Variants in PCDHA10 observed in about 807,000 individuals in gnomAD.
PCDHA10 encodes the protein protocadherin alpha 10.
In PCDHA10, 45 loss-of-function variants were observed where a neutral mutation model predicts 61.2. The observed-to-expected ratio is 0.74, with a 90% confidence interval of 0.58 to 0.94. The LOEUF (loss-of-function observed/expected upper bound fraction) is 0.94, where lower values mean the gene tolerates loss of function less well. Ranked by LOEUF, PCDHA10 falls within the 40% of genes least tolerant of loss-of-function variation. The probability of loss-of-function intolerance (pLI) is 0.00; values close to 1 mark genes in which losing one functional copy is unlikely to be tolerated. For synonymous variants in PCDHA10, 602 were observed against 548.8 expected, an observed-to-expected ratio of 1.10 and a Z score of -1.35; for missense variants, 1,278 against 1,236.2, an observed-to-expected ratio of 1.03 and a Z score of -0.51.
chr5:140,890,386 A>T (rs905205351), intron 1 of PCDHA10, among the ~76,000 whole-genome samples: 1 of 152,202 alleles, frequency 6.6e-6, no homozygotes, highest in African/African-American at 2.4e-5. Context: ...TCTTTCTTAG[A>T]TAATCTATAA....
intron 1 of PCDHA10, among the ~76,000 whole-genome samples, chr5:140,898,476 G>A (rs1167001415): frequency 6.6e-6 from 1 of 152,072 alleles, no homozygotes; most frequent in Non-Finnish European, 1.5e-5. Flanking sequence ...TTTTTCTCAG[G>A]TTTGTCAAAG....
At chr5:140,895,843 C>G (rs574376494) in intron 1 of PCDHA10, among the ~76,000 whole-genome samples, 1 of 152,232 alleles carries the variant, frequency 6.6e-6, no homozygotes, top group East Asian at 1.9e-4. Context: ...CAAAGTCTCA[C>G]TCTTGTACCC....
At chr5:140,967,626 G>T in intron 1 of PCDHA10, 2 of 1,614,138 alleles carry the variant, frequency 1.2e-6, no homozygotes, top group Non-Finnish European at 1.7e-6. Flanking sequence ...CCGGATGAGG[G>T]CTCCAATGGT....
At position 140,967,010 on chromosome 5, in the gene PCDHA10, C is replaced by T. The variant is rs781936791; in HGVS notation, c.2389-11939C>T. 7 of 1,606,340 alleles carry T rather than the reference C, an allele frequency of 4.4e-6. No individual in the cohort carries two copies. In the South Asian group the frequency reaches 6.6e-5, roughly 15 times the overall value. On this transcript the variant is annotated intron_variant, in intron 1 of 3. Coordinates refer to ENST00000307360, the MANE Select transcript of PCDHA10 (RefSeq NM_018901.4). ...GCCGGGTTGCTTGCGCATCAACCAT[C>T]TGGGTGCGCCCAGTCCGCGCTACCT...
At chr5:140,901,553 A>C (rs1387848935) in intron 1 of PCDHA10, among the ~76,000 whole-genome samples, 1 of 152,072 alleles carries the variant, frequency 6.6e-6, no homozygotes, top group African/African-American at 2.4e-5. Flanking sequence ...TGTTCCATTC[A>C]TCTATGTGTC....
intron 1 of PCDHA10, among the ~76,000 whole-genome samples, chr5:140,976,307 T>C (rs955106939): frequency 6.6e-6 from 1 of 152,100 alleles, no homozygotes; most frequent in African/African-American, 2.4e-5. Flanking sequence ...TCCCAGCACT[T>C]TGGGAGGCCG....
intron 1 of PCDHA10, among the ~76,000 whole-genome samples, chr5:140,956,861 A>T (rs2095316106): frequency 6.6e-6 from 1 of 152,194 alleles, no homozygotes; most frequent in Non-Finnish European, 1.5e-5. Flanking sequence ...TGGTTGAATG[A>T]ATGTGTGAAA....
intron 1 of PCDHA10, among the ~76,000 whole-genome samples, chr5:140,941,194 TCTTTCTTCCTTTCTTTCTTCCTTTC>T (rs1257521577): frequency 8.9e-6 from 1 of 112,354 alleles, no homozygotes; most frequent in Admixed American, 9.1e-5. Context: ...TCTTTTTTTT[TCTTTCTTCCTTTCTTTCTTCCTTTC>T]TTTCTTTCTT....
At chr5:140,993,621 A>G (rs531527051) in intron 3 of PCDHA10, among the ~76,000 whole-genome samples, 7 of 152,190 alleles carry the variant, frequency 4.6e-5, no homozygotes, top group African/African-American at 1.7e-4. Flanking sequence ...GGGACCCTCT[A>G]TATATAGTCG....
chr5:140,927,049 C>T (rs1554203972), intron 1 of PCDHA10: 5 of 1,611,932 alleles, frequency 3.1e-6, no homozygotes, highest in Non-Finnish European at 4.2e-6. Context: ...TATGTCCTCG[C>T]GGAACTTTCG....
chr5:140,858,243 C>G lies in PCDHA10; in HGVS notation c.2195C>G (p.Pro732Arg), dbSNP rs781796341. The G allele has an allele frequency of 6.3e-7, 1 of 1,595,896 alleles. No homozygotes were observed. The highest frequency in any genetic ancestry group is 8.6e-7 in the Non-Finnish European group (1 of 1,165,828). The change falls in exon 1 of 4, where the codon CCG becomes CGG. Residue 732 changes from proline (P) to arginine (R), a missense_variant. Physicochemically the swap from Pro to Arg is moderately radical, Grantham distance 103. Coordinates refer to ENST00000307360, the MANE Select transcript of PCDHA10 (RefSeq NM_018901.4). ...GCGCCCACCGAGGGCGCATGTGGGC[C>G]GGTGAAGCCCACGCTGGTGTGCTCT... Reference protein sequence around the residue: ...SAAPTEGACGPVKPTLVCSSA... With the variant: ...SAAPTEGACGRVKPTLVCSSA...
intron 1 of PCDHA10, chr5:140,926,601 T>G: frequency 3.1e-6 from 1 of 317,718 alleles, no homozygotes; most frequent in Non-Finnish European, 5.7e-6. Context: ...GCGGGCGGCC[T>G]CGTCTCTGCA....
At chr5:140,949,691 T>C (rs2094413493) in intron 1 of PCDHA10, among the ~76,000 whole-genome samples, 1 of 151,872 alleles carries the variant, frequency 6.6e-6, no homozygotes, top group Non-Finnish European at 1.5e-5. Context: ...AAGCGTATTG[T>C]TGGATCTTGC....
chr5:140,954,102 A>G (rs2094980163), intron 1 of PCDHA10, among the ~76,000 whole-genome samples: 1 of 152,186 alleles, frequency 6.6e-6, no homozygotes, highest in South Asian at 2.1e-4. Flanking sequence ...TGTCCCTGCA[A>G]AGGACAAGAT....
In PCDHA10 at chr5:140,856,336, G is replaced by A. The variant is rs782523397; in HGVS notation, c.288G>A (p.Gly96=). 1.9e-6 allele frequency: 3 copies of A among 1,598,624 alleles called. No individual in the cohort carries two copies. Among genetic ancestry groups the A allele is most frequent in the East Asian group, 2.2e-5 (1 of 44,856 alleles). The change falls in exon 1 of 4, where the codon GGG becomes GGA. Residue 96 remains glycine (G), a synonymous_variant. Coordinates refer to ENST00000307360, the MANE Select transcript of PCDHA10 (RefSeq NM_018901.4). ...NSRIDREELC[G]RSVECSIHLE... ...GGATTGACCGCGAGGAGCTGTGCGG[G>A]CGGAGCGTGGAGTGCAGCATCCACC...
At chr5:140,930,175 G>A (rs1554207630) in intron 1 of PCDHA10, 2 of 152,134 alleles carry the variant, frequency 1.3e-5, no homozygotes, top group African/African-American at 4.8e-5. Context: ...TTACAAAGAG[G>A]AAAGATGAGT....
rs1364118007 is a variant in PCDHA10 at position 140,899,089 on chromosome 5, G to T, written c.2388+40653G>T. Among the ~76,000 whole-genome samples the T allele has an allele frequency of 5.3e-5, 8 of 152,134 alleles. No individual in the cohort carries two copies. The East Asian group carries it at 1.5e-3, about 29-fold the overall frequency. On this transcript the variant is annotated intron_variant, in intron 1 of 3. Coordinates refer to ENST00000307360, the MANE Select transcript of PCDHA10 (RefSeq NM_018901.4). ...TGCTTATCAGCTTAAGGAGATTTTG[G>T]GCTGAGATAATGGGGTTTTCTAGAT...
chr5:140,901,196 C>T (rs1294830498), intron 1 of PCDHA10, among the ~76,000 whole-genome samples: 7 of 152,222 alleles, frequency 4.6e-5, no homozygotes, highest in African/African-American at 1.7e-4. Flanking sequence ...CTTTTCTGTG[C>T]AGAAGGTTTT....
chr5:140,998,321 G>A lies in PCDHA10; in HGVS notation c.2537-11306G>A, dbSNP rs79793895. On this transcript the variant is annotated intron_variant, in intron 3 of 3. Coordinates refer to ENST00000307360, the MANE Select transcript of PCDHA10 (RefSeq NM_018901.4). ...TTTAGTAAGGGCACCAGGATCTGAA[G>A]CAGGATTGTTTGACTTCTGAGTCTG... is the stretch of plus-strand genomic sequence containing the variant. 9.8e-3 allele frequency among the ~76,000 whole-genome samples: 1,493 copies of A among 152,278 alleles called. 32 individuals carry two copies. The highest frequency in any genetic ancestry group is 0.034 in the African/African-American group (1,408 of 41,548).
Sources: gnomAD v4.1 joint callset for allele counts (sites outside exome capture counted in the v4.1 genomes callset) on GRCh38, gnomAD v4.1.1 for gene constraint, MANE v1.5 for transcripts, NCBI Gene and HGNC (gene_info 2026-07-23, HGNC 2026-07-21) for gene names.